DMD: variants seen among roughly 807,000 people sequenced by gnomAD.
DMD encodes mutant dystrophin.
In DMD, 63 loss-of-function variants were observed where a neutral mutation model predicts 330.1. The observed-to-expected ratio is 0.19, with a 90% CI of 0.16 to 0.24. DMD has a LOEUF of 0.24. Ranked by LOEUF, DMD falls within the 10% of genes least tolerant of loss-of-function variation. The pLI, the probability that DMD is intolerant of heterozygous loss-of-function variation, is 1.00. For synonymous variants in DMD, 1,223 were observed against 959.8 expected (o/e 1.27, Z -5.07); for missense variants, 3,344 against 2,684.1 (o/e 1.25, Z -5.43).
At chrX:32,227,264 CATATATATATATATATAT>C (rs57305198) in intron 43 of DMD, among the ~76,000 whole-genome samples, 1,028 of 35,852 alleles carry the variant, frequency 0.029, 19 homozygotes, top group Middle Eastern at 0.067. Flanking sequence ...TAAGTCTAAG[CATATATATATATATATAT>C]ATATATATAT....
chrX:32,387,307 T>C (rs1288190078), intron 32 of DMD, among the ~76,000 whole-genome samples: 1 of 111,225 alleles, frequency 9.0e-6, no homozygotes, highest in Non-Finnish European at 1.9e-5. Context: ...TTCCTAGAAA[T>C]ATATGTCTTT....
At chrX:32,708,586 G>A (rs1308082314) in intron 7 of DMD, among the ~76,000 whole-genome samples, 1 of 111,642 alleles carries the variant, frequency 9.0e-6, no homozygotes, top group South Asian at 3.7e-4. Flanking sequence ...GTAATTCATA[G>A]GTTTGCTTGC....
chrX:32,209,412 A>C lies in DMD; in HGVS notation c.6438+7504T>G, dbSNP rs149834115. 4.1e-3 allele frequency among the ~76,000 whole-genome samples: 457 copies of C among 111,445 alleles called. 2 individuals are homozygous for C. Among genetic ancestry groups the C allele is most frequent in the African/African-American group, 0.014 (428 of 30,726 alleles). ...TAGGGTAGAGCCCTCTGGTAGAGAG[A>C]AAAGCAAATTTAAAGGTAGAAACAA... is the stretch of plus-strand genomic sequence containing the variant. On this transcript the variant is annotated intron_variant, in intron 44 of 78. Coordinates refer to ENST00000357033, the MANE Select transcript of DMD (RefSeq NM_004006.3).
At chrX:31,437,309 A>G (rs2064601384) in intron 60 of DMD, among the ~76,000 whole-genome samples, 1 of 111,800 alleles carries the variant, frequency 8.9e-6, no homozygotes, top group Non-Finnish European at 1.9e-5. Context: ...GCAAAAATAT[A>G]TTTTTGCACC....
chrX:32,673,403 C>A (rs1449894697), intron 9 of DMD, among the ~76,000 whole-genome samples: 6 of 111,117 alleles, frequency 5.4e-5, no homozygotes, highest in African/African-American at 2.0e-4. Flanking sequence ...AAAGAAAAAA[C>A]CTCATGCTAA....
At chrX:31,227,129 C>G (rs1194907030) in intron 63 of DMD, among the ~76,000 whole-genome samples, 2 of 111,022 alleles carry the variant, frequency 1.8e-5, no homozygotes, top group East Asian at 5.6e-4. Context: ...ACGACGATTC[C>G]TCTCTTATGA....
At chrX:31,188,684 A>G (rs1467054968) in intron 67 of DMD, among the ~76,000 whole-genome samples, 3 of 112,056 alleles carry the variant, frequency 2.7e-5, no homozygotes. Flanking sequence ...AAGCAAAGCT[A>G]TCACAGCTCC....
chrX:31,299,273 C>A (rs1327703919), intron 62 of DMD, among the ~76,000 whole-genome samples: 1 of 111,332 alleles, frequency 9.0e-6, no homozygotes, highest in Non-Finnish European at 1.9e-5. Context: ...TGGTACTTTT[C>A]TTTTTTTAAA....
At chrX:32,557,135 T>A (rs1337928698) in intron 16 of DMD, among the ~76,000 whole-genome samples, 1 of 111,457 alleles carries the variant, frequency 9.0e-6, no homozygotes, top group Non-Finnish European at 1.9e-5. Flanking sequence ...ATTCCTATTT[T>A]ATAGATGAAA....
At chrX:32,879,559 TTGAA>T (rs1197426131) in intron 2 of DMD, among the ~76,000 whole-genome samples, 2 of 112,670 alleles carry the variant, frequency 1.8e-5, no homozygotes, top group East Asian at 2.8e-4. Context: ...AAAATATTTA[TTGAA>T]TGACAGTTAA....
chrX:32,489,885 A>C (rs2042832882), intron 20 of DMD, among the ~76,000 whole-genome samples: 1 of 111,853 alleles, frequency 8.9e-6, no homozygotes, highest in Admixed American at 9.5e-5. Context: ...CTCAATGTAG[A>C]AATTCCTTAG....
intron 63 of DMD, among the ~76,000 whole-genome samples, chrX:31,242,698 A>ATGTGTG (rs1491232873): frequency 9.0e-5 from 6 of 66,990 alleles, no homozygotes; most frequent in African/African-American, 2.5e-4. Flanking sequence ...CAACAATAAG[A>ATGTGTG]TATGTGTGTG....
At chrX:31,986,515 C>A (rs1350657198) in intron 44 of DMD, among the ~76,000 whole-genome samples, 1 of 110,837 alleles carries the variant, frequency 9.0e-6, no homozygotes, top group Non-Finnish European at 1.9e-5. Flanking sequence ...CGGGTTCAAG[C>A]GATTCTCCTG....
intron 1 of DMD, among the ~76,000 whole-genome samples, chrX:33,090,346 G>A (rs759612408): frequency 1.9e-5 from 2 of 107,901 alleles, no homozygotes; most frequent in East Asian, 5.8e-4. Flanking sequence ...TGATAGTATA[G>A]AATATTATTC....
chrX:31,282,830 A>G (rs1212223558), intron 62 of DMD, among the ~76,000 whole-genome samples: 1 of 111,951 alleles, frequency 8.9e-6, no homozygotes, highest in Non-Finnish European at 1.9e-5. Context: ...AGGCTTATCT[A>G]AAATAAGGTG....
At chrX:31,557,415 C>G (rs1380465382) in intron 55 of DMD, among the ~76,000 whole-genome samples, 1 of 111,504 alleles carries the variant, frequency 9.0e-6, no homozygotes, top group East Asian at 2.8e-4. Flanking sequence ...TGAGGTTTCC[C>G]AGGGCAACAT....
intron 51 of DMD, among the ~76,000 whole-genome samples, chrX:31,746,624 T>C (rs2087862412): frequency 9.0e-6 from 1 of 111,662 alleles, no homozygotes; most frequent in Non-Finnish European, 1.9e-5. Context: ...ATTTAATCCA[T>C]GAGGTTTCAG....
At chrX:32,998,591 C>A (rs889188488) in intron 2 of DMD, among the ~76,000 whole-genome samples, 10 of 106,920 alleles carry the variant, frequency 9.4e-5, no homozygotes, top group African/African-American at 2.7e-4. Context: ...CTTTAAAGTT[C>A]TCTACCTATT....
Position 32,071,588 on chromosome X carries a change from A to G in DMD, c.6439-103074T>C, listed in dbSNP as rs895393776. Among the ~76,000 whole-genome samples, 3 of 108,181 alleles carry G rather than the reference A, an allele frequency of 2.8e-5. No homozygotes were observed. The Admixed American group carries it at 3.0e-4, about 11-fold the overall frequency. The allele number at this position is 108,181 out of a possible 115,157, so 93.9% of individuals were successfully genotyped here. A position where few individuals can be genotyped will look rare whatever the true frequency, so the allele number is the denominator to read the frequency against. On this transcript the variant is annotated intron_variant, in intron 44 of 78. Coordinates refer to ENST00000357033, the MANE Select transcript of DMD (RefSeq NM_004006.3). ...ACGAGTTAATGGGTGCAGCACACCAACATGGCACATGTATACATACGTAAC... is the reference window on the plus strand; with the variant it reads ...ACGAGTTAATGGGTGCAGCACACCAGCATGGCACATGTATACATACGTAAC...
Sources: allele counts gnomAD v4.1 joint callset (sites outside exome capture counted in the v4.1 genomes callset), GRCh38; gene constraint gnomAD v4.1.1; transcripts MANE v1.5; gene names NCBI Gene and HGNC (gene_info 2026-07-23, HGNC 2026-07-21).